Variants in KRT20 observed in about 807,000 individuals in gnomAD.
KRT20 encodes the protein keratin, type I cytoskeletal 20.
In KRT20, 41 loss-of-function variants were observed where a neutral mutation model predicts 43.0. The observed-to-expected ratio is 0.95, with a 90% CI of 0.74 to 1.24. KRT20 has a LOEUF of 1.24. Among genes scored for constraint, KRT20 ranks in the 50% most tolerant of loss-of-function variants. KRT20 has a pLI of 0.00. For synonymous variants in KRT20, 207 were observed against 200.6 expected (o/e 1.03, Z -0.27); for missense variants, 533 against 521.2 (o/e 1.02, Z -0.22).
chr17:40,876,322 T>A lies in KRT20; in HGVS notation c.*39A>T, dbSNP rs759957403. The A allele has an allele frequency of 4.4e-6, 6 of 1,357,972 alleles. No individual in the cohort carries two copies. In the South Asian group the frequency reaches 4.7e-5, roughly 11 times the overall value. 84.1% of individuals were successfully genotyped at this position (1,357,972 alleles called of 1,614,324 possible). On this transcript the variant is annotated 3_prime_UTR_variant, in exon 8 of 8. Transcript: ENST00000167588. ...GCAAAGATAAGATTATAGCCAAATT[T>A]CTTTCAAAACCTCAGCAGCATCTCC...
At position 40,876,445 on chromosome 17, in the gene KRT20, G is replaced by C; in HGVS notation, c.1191C>G (p.Thr397=). 1 of 1,608,160 alleles carries C rather than the reference G, an allele frequency of 6.2e-7. No homozygotes were observed. Among genetic ancestry groups the C allele is most frequent in the Admixed American group, 1.7e-5 (1 of 59,964 alleles). ...STLEERDIKK[T]RKIKTVVQEV... ...CTTGCACGACTGTCTTAATCTTCCT[G>C]GTTTTCTTTATATCTGAATTCATAT... Residue 397 remains threonine, a synonymous_variant, in exon 8 of 8, where the codon ACC becomes ACG. Coordinates refer to ENST00000167588, the MANE Select transcript of KRT20 (RefSeq NM_019010.3).
At chr17:40,876,532 T>C in intron 7 of KRT20, 74 bp from the exon 8 acceptor site, 1 of 858,646 alleles carries the variant, frequency 1.2e-6, no homozygotes. Context: ...AACTTTAAAT[T>C]ATTATTCTTT....
Position 40,876,224 on chromosome 17 carries a change from TC to T in KRT20, c.*136del. 1 of 529,820 alleles carries T rather than the reference TC, an allele frequency of 1.9e-6. No homozygotes were observed. Among genetic ancestry groups the T allele is most frequent in the Non-Finnish European group, 3.4e-6 (1 of 294,076 alleles). 32.8% of individuals were successfully genotyped at this position (529,820 alleles called of 1,614,324 possible). On this transcript the variant is annotated 3_prime_UTR_variant, in exon 8 of 8. Coordinates refer to ENST00000167588, the MANE Select transcript of KRT20 (RefSeq NM_019010.3). Reference sequence around the variant, plus strand: ...AATTACAGAGTCTGATAAATAGGATTCCCGCCACCCCACCCCTTCTAATCAC... The same window carrying T: ...AATTACAGAGTCTGATAAATAGGATTCCGCCACCCCACCCCTTCTAATCAC...
rs1907429262 is a variant in KRT20 at position 40,878,174 on chromosome 17, G to A, written c.1110C>T (p.Tyr370=). ...CGTCTTCTCCTTCCAGAAGGCGGCG[G>A]TAAGTAGCAATTTCCTGTTCAAGTC... ...KTRLEQEIAT[Y]RRLLEGEDVK... is the part of the protein sequence containing the mutation. Residue 370 remains tyrosine, a synonymous_variant, in exon 6 of 8, where the codon TAC becomes TAT. Coordinates refer to ENST00000167588, the MANE Select transcript of KRT20 (RefSeq NM_019010.3). 1 of 1,613,922 alleles carries A rather than the reference G, an allele frequency of 6.2e-7. No individual in the cohort carries two copies. The highest frequency in any genetic ancestry group is 8.5e-7 in the Non-Finnish European group (1 of 1,180,004).
At chr17:40,884,770 T>C (rs1424790381) in intron 1 of KRT20, 26 bp downstream of exon 1, 4 of 1,594,382 alleles carry the variant, frequency 2.5e-6, no homozygotes, top group Non-Finnish European at 3.4e-6. Context: ...AAACACAGAG[T>C]AGGAAACACA....
intron 5 of KRT20, among the ~76,000 whole-genome samples, chr17:40,878,891 T>C (rs1907467651): frequency 6.6e-6 from 1 of 151,758 alleles, no homozygotes; most frequent in East Asian, 1.9e-4. Context: ...AACCTCTGCC[T>C]CCTGGGTTCA....
rs765737282 is a variant in KRT20, at chr17:40,880,637, G to A, written c.607C>T (p.Leu203Phe). The A allele has an allele frequency of 3.7e-6, 6 of 1,613,026 alleles. No individual in the cohort carries two copies. In the South Asian group the frequency reaches 6.6e-5, roughly 18 times the overall value. Reference sequence around the variant, plus strand: ...ACCTCCTGATGCTCCTTTTTGAGGAGAGCTAGGTCTTTATTCAGTTCTTCA... The same window carrying A: ...ACCTCCTGATGCTCCTTTTTGAGGAAAGCTAGGTCTTTATTCAGTTCTTCA... ...QIEELNKDLA[L>F]LKKEHQEEVD... Residue 203 changes from leucine to phenylalanine, a missense_variant, in exon 3 of 8, where the codon CTC becomes TTC. Coordinates refer to ENST00000167588, the MANE Select transcript of KRT20 (RefSeq NM_019010.3).
chr17:40,885,073 C>G lies in KRT20; in HGVS notation c.113G>C (p.Gly38Ala), dbSNP rs747928147. 26 of 1,614,152 alleles carry G rather than the reference C, an allele frequency of 1.6e-5. No homozygotes were observed. The highest frequency in any genetic ancestry group is 2.1e-5 in the Non-Finnish European group (25 of 1,180,014). The change falls in exon 1 of 8, where the codon GGT becomes GCT. Residue 38 changes from glycine (G) to alanine (A), a missense_variant. Gly to Ala is a moderately conservative substitution (Grantham distance 60). Transcript: ENST00000167588. Reference sequence around the variant, plus strand: ...GATGCGGATGCCCCGGCCTCCAGCACCCCCATAAACGCTGGGTGTCGTCCC... The same window carrying G: ...GATGCGGATGCCCCGGCCTCCAGCAGCCCCATAAACGCTGGGTGTCGTCCC... ...RLGTTPSVYG[G>A]AGGRGIRISN...
At chr17:40,879,195 A>G (rs1907479357) in intron 5 of KRT20, among the ~76,000 whole-genome samples, 1 of 152,200 alleles carries the variant, frequency 6.6e-6, no homozygotes, top group South Asian at 2.1e-4. Context: ...TGGAAAGGAA[A>G]TGTCACGGTG....
chr17:40,878,808 CT>C (rs11395499), intron 5 of KRT20, among the ~76,000 whole-genome samples: 7 of 147,300 alleles, frequency 4.8e-5, no homozygotes, highest in Non-Finnish European at 9.0e-5. Context: ...TTTTCTTTTT[CT>C]TTTTTTTTTT....
Position 40,880,149 on chromosome 17 carries a change from A to G in KRT20, c.743T>C (p.Val248Ala), listed in dbSNP as rs749179935. 6.2e-7 allele frequency: 1 copy of G among 1,613,984 alleles called. No homozygotes were observed. Among genetic ancestry groups the G allele is most frequent in the Non-Finnish European group, 8.5e-7 (1 of 1,180,014 alleles). ...IMNEMRQKYE[V>A]MAQKNLQEAK... ...CTCTTGAAGGTTCTTCTGGGCCATG[A>G]CTTCATACTTCTGCCTCATTTCATT... The change falls in exon 4 of 8, where the codon GTC (valine) becomes GCC (alanine). Residue 248 changes from valine to alanine, a missense_variant. Val to Ala is a moderately conservative substitution (Grantham distance 64). Transcript: ENST00000167588.
At position 40,876,325 on chromosome 17, in the gene KRT20, T is replaced by A; in HGVS notation, c.*36A>T. ...AAGATAAGATTATAGCCAAATTTCT[T>A]TCAAAACCTCAGCAGCATCTCCTTC... is the stretch of plus-strand genomic sequence containing the variant. On this transcript the variant is annotated 3_prime_UTR_variant, in exon 8 of 8. Coordinates refer to ENST00000167588, the MANE Select transcript of KRT20 (RefSeq NM_019010.3). 1 of 1,406,858 alleles carries A rather than the reference T, an allele frequency of 7.1e-7. No homozygotes were observed. Among genetic ancestry groups the A allele is most frequent in the Non-Finnish European group, 1.0e-6 (1 of 991,670 alleles). The allele number at this position is 1,406,858 out of a possible 1,614,324, so 87.1% of individuals were successfully genotyped here. A position where few individuals can be genotyped will look rare whatever the true frequency, so the allele number is the denominator to read the frequency against.
At chr17:40,883,678 C>T (rs2143317149) in intron 1 of KRT20, among the ~76,000 whole-genome samples, 1 of 152,324 alleles carries the variant, frequency 6.6e-6, no homozygotes, top group South Asian at 2.1e-4. Context: ...GGGCTGCTTC[C>T]TATGGTTGGG....
chr17:40,880,967 T>G (rs1907570450), intron 2 of KRT20, among the ~76,000 whole-genome samples, 197 bp from the exon 3 acceptor site: 1 of 152,152 alleles, frequency 6.6e-6, no homozygotes, highest in Non-Finnish European at 1.5e-5. Context: ...TAATATAATC[T>G]CTATAATTTG....
At position 40,878,303 on chromosome 17, in the gene KRT20, G is replaced by C; in HGVS notation, c.981C>G (p.Asn327Lys). The C allele has an allele frequency of 6.2e-7, 1 of 1,614,184 alleles. No individual in the cohort carries two copies. Among genetic ancestry groups the C allele is most frequent in the Non-Finnish European group, 8.5e-7 (1 of 1,180,030 alleles). The change falls in exon 6 of 8, where the codon AAC becomes AAG. Residue 327 changes from asparagine to lysine, a missense_variant. Transcript: ENST00000167588. ...TKARYSSQLANLQSLLSSLEA... is the reference protein window; with the variant it reads ...TKARYSSQLAKLQSLLSSLEA... ...CCAGAGAGCTCAACAGCGACTGGAG[G>C]TTGGCTAACTGGCTGCTGTAACGGG...
Position 40,880,676 on chromosome 17 carries a change from A to G in KRT20, c.568T>C (p.Leu190=), listed in dbSNP as rs780158355. The G allele has an allele frequency of 1.2e-6, 2 of 1,612,472 alleles. No homozygotes were observed. Among genetic ancestry groups the G allele is most frequent in the South Asian group, 1.1e-5 (1 of 90,778 alleles). ...TTCAGTTCTTCAATTTGAATCTCCA[A>G]ATCTGTTTTATGTAGGGTTAGGTCA... ...FDDLTLHKTD[L]EIQIEELNKD... is the part of the protein sequence containing the mutation. The change falls in exon 3 of 8, where the codon TTG becomes CTG. Residue 190 remains leucine (L), a synonymous_variant. Transcript: ENST00000167588.
At chr17:40,883,920 C>T (rs1907702478) in intron 1 of KRT20, among the ~76,000 whole-genome samples, 1 of 152,184 alleles carries the variant, frequency 6.6e-6, no homozygotes, top group South Asian at 2.1e-4. Flanking sequence ...ATGTTTAGTA[C>T]AACTCAAGAA....
In KRT20 at chr17:40,877,796, T is replaced by C. The variant is rs568593330; in HGVS notation, c.1139+349A>G. 3.3e-5 allele frequency among the ~76,000 whole-genome samples: 5 copies of C among 152,304 alleles called. No individual in the cohort carries two copies. In the South Asian group the frequency reaches 1.0e-3, roughly 32 times the overall value. On this transcript the variant is annotated intron_variant, in intron 6 of 7. Coordinates refer to ENST00000167588, the MANE Select transcript of KRT20 (RefSeq NM_019010.3). ...TCCCGTGGACCTCAGCAGCTTATTG[T>C]CTAATTCATGAGCTCTCAATTAGAA...
chr17:40,884,214 T>A (rs1267813048), intron 1 of KRT20, among the ~76,000 whole-genome samples: 1 of 152,154 alleles, frequency 6.6e-6, no homozygotes, highest in Non-Finnish European at 1.5e-5. Flanking sequence ...ACTGTAGAAG[T>A]AGTTTCTGAA....
Sources: allele counts gnomAD v4.1 joint callset (sites outside exome capture counted in the v4.1 genomes callset), GRCh38; gene constraint gnomAD v4.1.1; transcripts MANE v1.5; gene names NCBI Gene and HGNC (gene_info 2026-07-23, HGNC 2026-07-21).